The following PMM2 variants were observed in gnomAD, a reference collection of about 807,000 sequenced individuals.
The protein encoded by PMM2 is phosphomannomutase 2, also known as mannose-6-phosphate isomerase.
In PMM2, 35 loss-of-function variants were observed where a neutral mutation model predicts 33.2. The ratio of observed to expected loss-of-function variants is 1.06; its 90% confidence interval spans 0.81 to 1.40. The LOEUF is 1.40. Among genes scored for constraint, PMM2 ranks in the 40% most tolerant of loss-of-function variants. The pLI is 0.00. For synonymous variants in PMM2, 153 were observed against 114.7 expected, an observed-to-expected ratio of 1.33 and a Z score of -2.13; for missense variants, 386 against 306.0, an observed-to-expected ratio of 1.26 and a Z score of -1.95.
At chr16:8,847,652 C>T (rs2060935952) in intron 7 of PMM2, 72 bp from the exon 8 acceptor site, 2 of 1,137,564 alleles carry the variant, frequency 1.8e-6, no homozygotes, top group Non-Finnish European at 2.7e-6. Flanking sequence ...TACTTTTGGA[C>T]TCCAGGGTCA....
chr16:8,813,288 G>A (rs9924186), intron 7 of PMM2, among the ~76,000 whole-genome samples, 182 bp downstream of exon 7: 2 of 152,060 alleles, frequency 1.3e-5, no homozygotes, highest in African/African-American at 4.8e-5. Flanking sequence ...TCAGACCCCC[G>A]ACGCCTCTGT....
chr16:8,814,605 G>A (rs2060695883), intron 7 of PMM2, among the ~76,000 whole-genome samples: 1 of 152,192 alleles, frequency 6.6e-6, no homozygotes, highest in African/African-American at 2.4e-5. Context: ...TGATAAAACT[G>A]AAACCCATAA....
At chr16:8,845,360 ACTT>A (rs960484588) in intron 7 of PMM2, among the ~76,000 whole-genome samples, 12 of 152,124 alleles carry the variant, frequency 7.9e-5, no homozygotes, top group African/African-American at 2.9e-4. Context: ...GGCTATTTTT[ACTT>A]CTTTTGTGGA....
At chr16:8,834,519 G>C (rs961076303) in intron 7 of PMM2, among the ~76,000 whole-genome samples, 4 of 152,042 alleles carry the variant, frequency 2.6e-5, no homozygotes, top group Admixed American at 6.6e-5. Context: ...TACCTGACTC[G>C]GGGCATGTTG....
rs141931843 is a variant in PMM2 at position 8,801,577 on chromosome 16, A to T, written c.67-222A>T. ...TCCCAGCTACTCAGGAGGCAGAGAT[A>T]GGAGGATCACCGGAGTCCAGGGAGG... On this transcript the variant is annotated intron_variant, in intron 1 of 7. Transcript: ENST00000268261. 3.0e-3 allele frequency among the ~76,000 whole-genome samples: 457 copies of T among 152,314 alleles called. 6 individuals are homozygous for T. The highest frequency in any genetic ancestry group is 0.01 in the African/African-American group (428 of 41,566).
rs373099054 is a variant in PMM2, at chr16:8,846,079, A to G, written c.640-1645A>G. ...TGTAAGGCCAGTACAAGGCCCTGACAGGTTCCCAAGTGGCTGGACTGGAAG... is the reference window on the plus strand; with the variant it reads ...TGTAAGGCCAGTACAAGGCCCTGACGGGTTCCCAAGTGGCTGGACTGGAAG... On this transcript the variant is annotated intron_variant, in intron 7 of 7. Coordinates refer to ENST00000268261, the MANE Select transcript of PMM2 (RefSeq NM_000303.3). 9.8e-5 allele frequency among the ~76,000 whole-genome samples: 15 copies of G among 152,352 alleles called. No individual in the cohort carries two copies. In the East Asian group the frequency reaches 2.3e-3, roughly 23 times the overall value.
chr16:8,810,737 A>T (rs2060672635), intron 4 of PMM2: 4 of 364,054 alleles, frequency 1.1e-5, no homozygotes, highest in South Asian at 8.9e-5. Flanking sequence ...TAACCATGCC[A>T]GGCTATTTTT....
intron 7 of PMM2, among the ~76,000 whole-genome samples, chr16:8,820,751 T>TGCATCTTTGGCCTGGTCCAC: frequency 6.6e-6 from 1 of 152,320 alleles, no homozygotes; most frequent in South Asian, 2.1e-4. Flanking sequence ...AGCTGGGACA[T>TGCATCTTTGGCCTGGTCCAC]GCATCTTTGG....
At chr16:8,812,954 A>G in intron 6 of PMM2, 37 bp from the exon 7 acceptor site, 1 of 1,152,474 alleles carries the variant, frequency 8.7e-7, no homozygotes, top group Non-Finnish European at 1.3e-6. Context: ...CCCCTTTTTC[A>G]CCTTTTGCCT....
chr16:8,822,994 G>A (rs1026027888), intron 7 of PMM2, among the ~76,000 whole-genome samples: 8 of 152,176 alleles, frequency 5.3e-5, no homozygotes, highest in Non-Finnish European at 1.0e-4. Context: ...GTTACTAGCA[G>A]AGAGAGATTT....
chr16:8,814,780 G>A (rs1327687293), intron 7 of PMM2, among the ~76,000 whole-genome samples: 8 of 152,168 alleles, frequency 5.3e-5, no homozygotes, highest in Non-Finnish European at 8.8e-5. Flanking sequence ...TAATCATTGT[G>A]CCTCTTTGGT....
chr16:8,828,611 T>C (rs1430111965), intron 7 of PMM2, among the ~76,000 whole-genome samples: 3 of 152,170 alleles, frequency 2.0e-5, no homozygotes, highest in Admixed American at 6.5e-5. Flanking sequence ...TACCCTGACA[T>C]GGTCCCAAAG....
intron 7 of PMM2, among the ~76,000 whole-genome samples, chr16:8,835,777 G>C (rs1455504479): frequency 6.6e-6 from 1 of 151,912 alleles, no homozygotes; most frequent in Non-Finnish European, 1.5e-5. Context: ...GGGACATTGA[G>C]TGGGGTAAGG....
At chr16:8,831,903 C>A (rs1052551201) in intron 7 of PMM2, among the ~76,000 whole-genome samples, 1 of 152,186 alleles carries the variant, frequency 6.6e-6, no homozygotes, top group East Asian at 1.9e-4. Flanking sequence ...GAAATTGGAT[C>A]GTTCATTCTT....
chr16:8,800,881 G>A (rs1048429935), intron 1 of PMM2, among the ~76,000 whole-genome samples: 5 of 152,082 alleles, frequency 3.3e-5, no homozygotes, highest in African/African-American at 9.7e-5. Context: ...ACAGGGTTTC[G>A]CCACGTTGGC....
At chr16:8,847,430 T>C (rs961982820) in intron 7 of PMM2, among the ~76,000 whole-genome samples, 1 of 147,528 alleles carries the variant, frequency 6.8e-6, no homozygotes, top group African/African-American at 2.5e-5. Flanking sequence ...CGCTGATGCC[T>C]TCTGTGTAGA....
At chr16:8,839,259 A>G (rs916136637) in intron 7 of PMM2, among the ~76,000 whole-genome samples, 4 of 152,064 alleles carry the variant, frequency 2.6e-5, no homozygotes, top group Admixed American at 6.6e-5. Context: ...CTGTCCAATT[A>G]GCAGGTAGAC....
At chr16:8,810,129 C>G (rs1596488314) in intron 4 of PMM2, 1 of 152,192 alleles carries the variant, frequency 6.6e-6, no homozygotes, top group African/African-American at 2.4e-5. Flanking sequence ...CATCTTTAAA[C>G]ATCGTCATTT....
At chr16:8,804,356 T>C (rs764306527) in intron 2 of PMM2, among the ~76,000 whole-genome samples, 2 of 152,110 alleles carry the variant, frequency 1.3e-5, no homozygotes, top group Non-Finnish European at 2.9e-5. Flanking sequence ...AAGAGCTTTT[T>C]TAAAAATATA....
Sources: gnomAD v4.1 joint callset for allele counts (sites outside exome capture counted in the v4.1 genomes callset) on GRCh38, gnomAD v4.1.1 for gene constraint, MANE v1.5 for transcripts, NCBI Gene and HGNC (gene_info 2026-07-23, HGNC 2026-07-21) for gene names.